Variants in PARPBP observed in about 807,000 individuals in gnomAD.
The protein encoded by PARPBP is PARP1 binding protein, also known as PCNA-interacting partner.
Under a neutral mutation model 50.0 loss-of-function variants are expected in PARPBP, and 52 were observed. The ratio of observed to expected loss-of-function variants is 1.04; its 90% CI spans 0.83 to 1.31. The LOEUF (loss-of-function observed/expected upper bound fraction) is 1.31. Ranked by LOEUF, PARPBP falls within the 50% of genes most tolerant of loss-of-function variation. PARPBP has a pLI of 0.00. For synonymous variants in PARPBP, 244 were observed against 232.1 expected (o/e 1.05, Z -0.47); for missense variants, 697 against 672.0 (o/e 1.04, Z -0.41).
chr12:102,185,259 A>G (rs1205785155), intron 9 of PARPBP, among the ~76,000 whole-genome samples: 1 of 152,180 alleles, frequency 6.6e-6, no homozygotes, highest in African/African-American at 2.4e-5. Context: ...AATTTTATCA[A>G]ATGCTTTTTA....
rs189987716 is a variant in PARPBP, at chr12:102,197,367, C to T, written c.*1076C>T. 71 of 818,212 alleles carry T rather than the reference C, an allele frequency of 8.7e-5. No homozygotes were observed. In the Admixed American group the frequency reaches 1.9e-3, roughly 22 times the overall value. 50.7% of individuals were successfully genotyped at this position (818,212 alleles called of 1,614,324 possible). A position where few individuals can be genotyped will look rare whatever the true frequency, so the allele number is the denominator to read the frequency against. On this transcript the variant is annotated 3_prime_UTR_variant, in exon 11 of 11. Coordinates refer to ENST00000327680, the MANE Select transcript of PARPBP (RefSeq NM_017915.5). The stretch of plus-strand genomic sequence containing the variant: ...GTGTTTGCTGGGATGGAAGAACTAC[C>T]TGGCATGTAAGAAATATCGTCAGTC...
intron 4 of PARPBP, among the ~76,000 whole-genome samples, chr12:102,154,431 G>T (rs1886613036): frequency 6.6e-6 from 1 of 152,112 alleles, no homozygotes; most frequent in Non-Finnish European, 1.5e-5. Context: ...TACAAGTTTG[G>T]TTTAATATAA....
chr12:102,146,763 C>T (rs893732592), intron 2 of PARPBP, among the ~76,000 whole-genome samples: 4 of 152,104 alleles, frequency 2.6e-5, no homozygotes, highest in South Asian at 2.1e-4. Flanking sequence ...AAGAAACTAC[C>T]GTCAGAGTGA....
At chr12:102,140,092 A>C (rs575536779) in intron 2 of PARPBP, among the ~76,000 whole-genome samples, 63 of 152,168 alleles carry the variant, frequency 4.1e-4, no homozygotes, top group Admixed American at 1.0e-3. Context: ...GGTAGAATTT[A>C]GCTGTGAATC....
At position 102,197,237 on chromosome 12, in the gene PARPBP, A is replaced by G. The variant is rs925862901; in HGVS notation, c.*946A>G. On this transcript the variant is annotated 3_prime_UTR_variant, in exon 11 of 11. Transcript: ENST00000327680. ...CGGAGTGGAACTATAATACAATTGT[A>G]TAATATTCTTGTTGATCAATTCAAA... is the stretch of plus-strand genomic sequence containing the variant. 3.2e-6 allele frequency: 4 copies of G among 1,243,436 alleles called. No individual in the cohort carries two copies. Among genetic ancestry groups the G allele is most frequent in the Admixed American group, 4.0e-5 (2 of 50,556 alleles). 77.0% of individuals were successfully genotyped at this position (1,243,436 alleles called of 1,614,324 possible). A position where few individuals can be genotyped will look rare whatever the true frequency, so the allele number is the denominator to read the frequency against.
intron 3 of PARPBP, among the ~76,000 whole-genome samples, chr12:102,152,398 T>C (rs1886319835): frequency 6.6e-6 from 1 of 152,234 alleles, no homozygotes; most frequent in Admixed American, 6.5e-5. Flanking sequence ...CTAGCAGAGA[T>C]GTAATGATGA....
rs750224569 is a variant in PARPBP at position 102,120,281 on chromosome 12, A to G, written c.-9A>G. 1.3e-4 allele frequency: 44 copies of G among 336,930 alleles called. No individual in the cohort carries two copies. The highest frequency in any genetic ancestry group is 3.3e-4 in the Admixed American group (9 of 27,330). 20.9% of individuals were successfully genotyped at this position (336,930 alleles called of 1,614,324 possible). A position where few individuals can be genotyped will look rare whatever the true frequency, so the allele number is the denominator to read the frequency against. ...AGAGTACGTCTTCGGGTCTACCCCT[A>G]ATCACGTAAGTCTCGCGTCTGCCCT... On this transcript the variant is annotated 5_prime_UTR_variant, in exon 1 of 11. Transcript: ENST00000327680.
intron 9 of PARPBP, among the ~76,000 whole-genome samples, chr12:102,194,534 A>T (rs1418714930): frequency 6.6e-6 from 1 of 151,940 alleles, no homozygotes; most frequent in Non-Finnish European, 1.5e-5. Context: ...TGTTTGTGGA[A>T]CAAATTTCCA....
At chr12:102,155,737 G>A (rs1414829823) in intron 4 of PARPBP, among the ~76,000 whole-genome samples, 2 of 152,090 alleles carry the variant, frequency 1.3e-5, no homozygotes, top group Non-Finnish European at 2.9e-5. Flanking sequence ...CTTCTGGTCC[G>A]TGTTTGTTAT....
At chr12:102,132,597 A>G (rs1293461374) in intron 2 of PARPBP, among the ~76,000 whole-genome samples, 1 of 152,206 alleles carries the variant, frequency 6.6e-6, no homozygotes, top group East Asian at 1.9e-4. Flanking sequence ...TGATGCCTCC[A>G]GCTTTGTTCA....
At chr12:102,165,669 A>T (rs1008905238) in intron 5 of PARPBP, 60 bp from the exon 6 acceptor site, 3 of 1,297,042 alleles carry the variant, frequency 2.3e-6, no homozygotes, top group African/African-American at 1.5e-5. Context: ...TAGCTTTATG[A>T]AGTAAATTAC....
chr12:102,126,839 A>C (rs1402733872), intron 2 of PARPBP, among the ~76,000 whole-genome samples: 2 of 152,126 alleles, frequency 1.3e-5, no homozygotes, highest in East Asian at 3.8e-4. Flanking sequence ...GTTTTTTTCC[A>C]TCCAACATTA....
chr12:102,148,163 G>T, intron 2 of PARPBP, 67 bp from the exon 3 acceptor site: 1 of 639,826 alleles, frequency 1.6e-6, no homozygotes, highest in Non-Finnish European at 2.5e-6. Context: ...TCTTATCTCA[G>T]TTATAAGTTA....
At chr12:102,170,666 A>G (rs1888594991) in intron 6 of PARPBP, among the ~76,000 whole-genome samples, 1 of 152,230 alleles carries the variant, frequency 6.6e-6, no homozygotes, top group Admixed American at 6.5e-5. Context: ...GACTTTATAC[A>G]CATTATAAAC....
chr12:102,197,442 A>G lies in PARPBP; in HGVS notation c.*1151A>G. On this transcript the variant is annotated 3_prime_UTR_variant, in exon 11 of 11. Coordinates refer to ENST00000327680, the MANE Select transcript of PARPBP (RefSeq NM_017915.5). ...TGCATATACTTCTGTTTATAAAAGT[A>G]TCAGTTTTACTTTTCAGAGGATTTG... is the stretch of plus-strand genomic sequence containing the variant. 1.6e-6 allele frequency: 2 copies of G among 1,275,556 alleles called. No individual in the cohort carries two copies. Among genetic ancestry groups the G allele is most frequent in the Non-Finnish European group, 2.2e-6 (2 of 921,222 alleles). The allele number at this position is 1,275,556 out of a possible 1,614,324, so 79.0% of individuals were successfully genotyped here.
intron 6 of PARPBP, among the ~76,000 whole-genome samples, chr12:102,171,810 A>G (rs1443931920): frequency 6.6e-6 from 1 of 151,796 alleles, no homozygotes; most frequent in Non-Finnish European, 1.5e-5. Context: ...CGGAGCTTGC[A>G]GTGAGCCGAG....
chr12:102,125,804 A>C (rs1282094742), intron 2 of PARPBP, among the ~76,000 whole-genome samples: 1 of 152,200 alleles, frequency 6.6e-6, no homozygotes, highest in African/African-American at 2.4e-5. Flanking sequence ...ACTAATAGCC[A>C]TAAGAAGAAT....
In PARPBP at chr12:102,124,035, C is replaced by T. The variant is rs1198968124; in HGVS notation, c.147C>T (p.Asn49=). Residue 49 remains asparagine, a synonymous_variant, in exon 2 of 11, where the codon AAC becomes AAT. Transcript: ENST00000327680. The part of the protein sequence containing the change: ...LALQLSMAEN[N]KQHSGEFTVS... ...TGCAGCTTTCTATGGCGGAGAACAA[C>T]AAACAGGTTGGTAAACTATATTTGG... 10 of 1,533,276 alleles carry T rather than the reference C, an allele frequency of 6.5e-6. No individual in the cohort carries two copies. Among genetic ancestry groups the T allele is most frequent in the Non-Finnish European group, 8.7e-6 (10 of 1,144,972 alleles). 95.0% of individuals were successfully genotyped at this position (1,533,276 alleles called of 1,614,324 possible).
At chr12:102,139,543 G>T (rs1412387115) in intron 2 of PARPBP, among the ~76,000 whole-genome samples, 1 of 152,186 alleles carries the variant, frequency 6.6e-6, no homozygotes, top group East Asian at 1.9e-4. Context: ...GTGAGAGAGG[G>T]CATCCCTGTC....
Sources: allele counts gnomAD v4.1 joint callset (sites outside exome capture counted in the v4.1 genomes callset), GRCh38; gene constraint gnomAD v4.1.1; transcripts MANE v1.5; gene names NCBI Gene and HGNC (gene_info 2026-07-23, HGNC 2026-07-21).